Variants in NPHP1 observed in about 807,000 individuals in gnomAD.
The protein encoded by NPHP1 is nephrocystin-1.
NPHP1 carries 70 observed loss-of-function variants against 90.4 expected under a neutral mutation model. The observed-to-expected ratio is 0.77, with a 90% CI of 0.64 to 0.95. NPHP1 has a LOEUF of 0.95. Among genes scored for constraint, NPHP1 ranks in the 40% least tolerant of loss-of-function variants. The pLI is 0.00. For missense variants in NPHP1, 764 were observed against 795.9 expected, an observed-to-expected ratio of 0.96 and a Z score of 0.48; for synonymous variants, 256 against 271.7, an observed-to-expected ratio of 0.94 and a Z score of 0.57.
chr2:110,125,632 T>G lies in NPHP1; in HGVS notation c.1761+5A>C, dbSNP rs201030203. On this transcript the variant is annotated splice_donor_5th_base_variant and intron_variant, in intron 19 of 19. Coordinates refer to ENST00000445609, the MANE Select transcript of NPHP1 (RefSeq NM_001128178.3). ...TGGAGTTCAGTGTGGAGACTCATAT[T>G]TTACCTTCTCTGATCTTTTTAATGT... 104 of 1,611,796 alleles carry G rather than the reference T, an allele frequency of 6.5e-5. No individual in the cohort carries two copies. The highest frequency in any genetic ancestry group is 1.6e-4 in the Middle Eastern group (1 of 6,082).
At position 110,124,068 on chromosome 2, in the gene NPHP1, GA is replaced by G; in HGVS notation, c.1762-6del. ...CTTCAGGAACTCTTTGTCTCTCTGG[GA>G]AAACACCACCCCCACAAATAACATT... On this transcript the variant is annotated splice_region_variant and splice_polypyrimidine_tract_variant and intron_variant, in intron 19 of 19. Coordinates refer to ENST00000445609, the MANE Select transcript of NPHP1 (RefSeq NM_001128178.3). 6.2e-6 allele frequency: 10 copies of G among 1,613,904 alleles called. No homozygotes were observed. Among genetic ancestry groups the G allele is most frequent in the South Asian group, 1.1e-5 (1 of 91,064 alleles).
At chr2:110,138,917 C>T (rs1480485155) in intron 16 of NPHP1, among the ~76,000 whole-genome samples, 1 of 152,028 alleles carries the variant, frequency 6.6e-6, no homozygotes, top group Non-Finnish European at 1.5e-5. Context: ...ATGCTGCTTG[C>T]CCTTTATTAG....
At chr2:110,196,949 A>G (rs1396734557) in intron 2 of NPHP1, among the ~76,000 whole-genome samples, 2 of 152,196 alleles carry the variant, frequency 1.3e-5, no homozygotes, top group East Asian at 1.9e-4. Context: ...CTGTGCAGCC[A>G]TAAAAAGGAA....
intron 16 of NPHP1, among the ~76,000 whole-genome samples, chr2:110,139,746 C>G (rs957287136): frequency 6.6e-5 from 10 of 152,134 alleles, no homozygotes. Context: ...CTCCTTTGAG[C>G]AGAGAAGTTT....
chr2:110,194,202 A>C (rs1242209506), intron 2 of NPHP1, among the ~76,000 whole-genome samples: 1 of 152,160 alleles, frequency 6.6e-6, no homozygotes, highest in Non-Finnish European at 1.5e-5. Context: ...CCTTCAAAAA[A>C]TTAATGAATC....
intron 2 of NPHP1, among the ~76,000 whole-genome samples, chr2:110,185,845 C>G (rs1436312456): frequency 6.6e-6 from 1 of 152,200 alleles, no homozygotes; most frequent in Non-Finnish European, 1.5e-5. Flanking sequence ...AGTACTCCCC[C>G]TGAATGGCTG....
chr2:110,124,361 G>T, intron 19 of NPHP1: 1 of 468,330 alleles, frequency 2.1e-6, no homozygotes, highest in Non-Finnish European at 3.9e-6. Flanking sequence ...AGGTATTGCA[G>T]TCTAATTTTG....
chr2:110,151,543 C>T (rs986075153), intron 11 of NPHP1, among the ~76,000 whole-genome samples: 3 of 151,974 alleles, frequency 2.0e-5, no homozygotes, highest in Non-Finnish European at 4.4e-5. Context: ...TTAAAATAAT[C>T]CCAAATGTGT....
chr2:110,203,803 AG>A (rs1028611197), intron 1 of NPHP1, among the ~76,000 whole-genome samples: 6 of 151,598 alleles, frequency 4.0e-5, no homozygotes, highest in Non-Finnish European at 7.4e-5. Context: ...ATTTTTAAAA[AG>A]TTTTTTTTTT....
chr2:110,186,060 C>T (rs1269700982), intron 2 of NPHP1, among the ~76,000 whole-genome samples: 4 of 152,140 alleles, frequency 2.6e-5, no homozygotes, highest in Non-Finnish European at 5.9e-5. Flanking sequence ...TTTATAGCAC[C>T]TAAGCTTAGC....
chr2:110,149,365 G>A lies in NPHP1; in HGVS notation c.1158+817C>T, dbSNP rs115288775. On this transcript the variant is annotated intron_variant, in intron 12 of 19. Coordinates refer to ENST00000445609, the MANE Select transcript of NPHP1 (RefSeq NM_001128178.3). ...CTAAACTCTTCACATACACAGAGAC[G>A]CAATAACAGAATTGTGAAGTACTGT... Among the ~76,000 whole-genome samples the A allele has an allele frequency of 9.8e-3, 1,491 of 152,162 alleles. 18 individuals are homozygous for A. Among genetic ancestry groups the A allele is most frequent in the Non-Finnish European group, 0.015 (1,000 of 68,000 alleles).
chr2:110,199,937 G>C (rs1217162929), intron 2 of NPHP1, among the ~76,000 whole-genome samples: 2 of 152,140 alleles, frequency 1.3e-5, no homozygotes, highest in Non-Finnish European at 2.9e-5. Context: ...CATGCACAGA[G>C]AAGACTATGG....
intron 6 of NPHP1, among the ~76,000 whole-genome samples, chr2:110,166,736 T>C (rs1293358132): frequency 6.6e-6 from 1 of 152,202 alleles, no homozygotes; most frequent in African/African-American, 2.4e-5. Flanking sequence ...GGGGATCTTT[T>C]TGCAACTGAC....
At chr2:110,194,478 A>C (rs1269982814) in intron 2 of NPHP1, among the ~76,000 whole-genome samples, 4 of 152,146 alleles carry the variant, frequency 2.6e-5, no homozygotes, top group Admixed American at 6.5e-5. Context: ...ATCTCTGAAT[A>C]GACCAATAAC....
intron 19 of NPHP1, 173 bp downstream of exon 19, chr2:110,125,464 G>A (rs1476016825): frequency 9.9e-6 from 11 of 1,106,820 alleles, no homozygotes; most frequent in Admixed American, 5.5e-5. Context: ...ATTAGCTAAC[G>A]ATCATGCGTA....
chr2:110,182,196 C>T (rs770365238), intron 2 of NPHP1, among the ~76,000 whole-genome samples: 2 of 152,026 alleles, frequency 1.3e-5, no homozygotes, highest in African/African-American at 4.8e-5. Flanking sequence ...AATGGAACCA[C>T]GTTGAAAAAC....
rs142261660 is a variant in NPHP1, at chr2:110,183,974, G to A, written c.144-4290C>T. On this transcript the variant is annotated intron_variant, in intron 2 of 19. Transcript: ENST00000445609. ...AACAGACCAAAATGCAATCAAATTA[G>A]AACTCAAGATTAAGAAATTCATGAA... is the stretch of plus-strand genomic sequence containing the variant. 1,053 of 344,172 alleles carry A rather than the reference G, an allele frequency of 3.1e-3. 15 individuals are homozygous for A. Among genetic ancestry groups the A allele is most frequent in the African/African-American group, 0.017 (797 of 47,044 alleles). 21.3% of individuals were successfully genotyped at this position (344,172 alleles called of 1,614,324 possible).
At chr2:110,124,175 C>T in intron 19 of NPHP1, 112 bp from the exon 20 acceptor site, 3 of 1,231,826 alleles carry the variant, frequency 2.4e-6, no homozygotes, top group Non-Finnish European at 3.5e-6. Flanking sequence ...GCCATTAGTG[C>T]CTGGCAGGTA....
At chr2:110,170,462 T>A (rs1034857262) in intron 4 of NPHP1, among the ~76,000 whole-genome samples, 3 of 152,156 alleles carry the variant, frequency 2.0e-5, no homozygotes, top group African/African-American at 7.2e-5. Context: ...AGGATTAAGA[T>A]GAGTTACTAC....
Sources: gnomAD v4.1 joint callset for allele counts (sites outside exome capture counted in the v4.1 genomes callset) on GRCh38, gnomAD v4.1.1 for gene constraint, MANE v1.5 for transcripts, NCBI Gene and HGNC (gene_info 2026-07-23, HGNC 2026-07-21) for gene names.